The following NFIC variants were observed in gnomAD, a reference collection of about 807,000 sequenced individuals.
NFIC encodes the protein nuclear factor 1 C-type.
NFIC carries 12 observed loss-of-function variants against 54.4 expected under a neutral mutation model. The ratio of observed to expected loss-of-function variants is 0.22; its 90% confidence interval spans 0.14 to 0.36. The LOEUF (loss-of-function observed/expected upper bound fraction) is 0.36, where lower values mean the gene tolerates loss of function less well. Among genes scored for constraint, NFIC ranks in the 10% least tolerant of loss-of-function variants. NFIC has a pLI of 1.00. For missense variants in NFIC, 575 were observed against 718.2 expected, an observed-to-expected ratio of 0.80 and a Z score of 2.28; for synonymous variants, 322 against 319.2, an observed-to-expected ratio of 1.01 and a Z score of -0.09.
chr19:3,419,125 G>A (rs1599653249), intron 2 of NFIC, among the ~76,000 whole-genome samples: 1 of 152,250 alleles, frequency 6.6e-6, no homozygotes, highest in East Asian at 1.9e-4. Flanking sequence ...TTCAGTTTGG[G>A]AAGAGTAGAA....
At chr19:3,435,011 C>G in intron 5 of NFIC, 72 bp from the exon 6 acceptor site, 2 of 1,477,432 alleles carry the variant, frequency 1.4e-6, no homozygotes, top group Non-Finnish European at 1.8e-6. Flanking sequence ...CCGGAAGTAG[C>G]AAAGCCCGCC....
chr19:3,400,292 G>A (rs960751873), intron 2 of NFIC, among the ~76,000 whole-genome samples: 6 of 152,214 alleles, frequency 3.9e-5, no homozygotes, highest in Admixed American at 1.3e-4. Context: ...TGGCTAACAT[G>A]GTGAAACCCC....
chr19:3,396,365 G>A (rs964373875), intron 2 of NFIC, among the ~76,000 whole-genome samples: 8 of 151,954 alleles, frequency 5.3e-5, no homozygotes, highest in African/African-American at 1.5e-4. Flanking sequence ...CCAGCTACTC[G>A]GGAGGCTGAG....
At chr19:3,399,587 A>G (rs571011025) in intron 2 of NFIC, among the ~76,000 whole-genome samples, 1 of 148,782 alleles carries the variant, frequency 6.7e-6, no homozygotes, top group Non-Finnish European at 1.5e-5. Context: ...AAAAATAAAA[A>G]TAGGCCAGGC....
chr19:3,420,879 C>T (rs1014779568), intron 2 of NFIC, among the ~76,000 whole-genome samples: 7 of 152,124 alleles, frequency 4.6e-5, no homozygotes, highest in Non-Finnish European at 7.4e-5. Context: ...CCCACCACCA[C>T]GCCCAGCTAA....
chr19:3,438,332 C>T (rs993417494), intron 6 of NFIC, among the ~76,000 whole-genome samples: 2 of 151,932 alleles, frequency 1.3e-5, no homozygotes, highest in African/African-American at 4.8e-5. Context: ...GATTGGGAAT[C>T]GCAGAGCTAG....
chr19:3,411,452 C>T (rs1465144421), intron 2 of NFIC, among the ~76,000 whole-genome samples: 3 of 151,388 alleles, frequency 2.0e-5, no homozygotes, highest in African/African-American at 4.9e-5. Context: ...CTCAGCCTAC[C>T]GAGTAGCTGG....
rs2082594220 is a variant in NFIC at position 3,458,550 on chromosome 19, C to T, written c.1509+1915C>T. ...AAACTGAGGCAGGCAAGGGTGGCAC[C>T]TTTCTCAGCATCCCTATCTTGACTG... On this transcript the variant is annotated intron_variant, in intron 10 of 10. Coordinates refer to ENST00000443272, the MANE Select transcript of NFIC (RefSeq NM_001245002.2). The surrounding 1 kb of genome is among the most constrained non-coding windows in gnomAD (Gnocchi z 4.1). Among the ~76,000 whole-genome samples, 1 of 152,110 alleles carries T rather than the reference C, an allele frequency of 6.6e-6. No homozygotes were observed. The highest frequency in any genetic ancestry group is 1.5e-5 in the Non-Finnish European group (1 of 68,012).
At chr19:3,380,213 C>T (rs1296885056) in intron 1 of NFIC, among the ~76,000 whole-genome samples, 2 of 148,560 alleles carry the variant, frequency 1.3e-5, no homozygotes, top group South Asian at 2.1e-4. Context: ...ACTGTGTTAG[C>T]CAGGATGGTC....
At chr19:3,462,637 C>A in intron 10 of NFIC, 115 bp from the exon 11 acceptor site, 1 of 1,184,472 alleles carries the variant, frequency 8.4e-7, no homozygotes, top group Non-Finnish European at 1.2e-6. Context: ...CACAGGGTTG[C>A]AGGAGGTGGG....
intron 6 of NFIC, among the ~76,000 whole-genome samples, chr19:3,436,126 CCT>C (rs1354564301): frequency 4.2e-4 from 55 of 130,044 alleles, no homozygotes; most frequent in African/African-American, 1.8e-3. Context: ...CCACGCCCGG[CCT>C]CTGTTTTTGT....
At chr19:3,451,322 AG>A (rs1171298707) in intron 7 of NFIC, among the ~76,000 whole-genome samples, 2 of 152,064 alleles carry the variant, frequency 1.3e-5, no homozygotes, top group African/African-American at 2.4e-5. Context: ...CGGCTGATGG[AG>A]ACGGAATTTC....
chr19:3,395,637 T>G (rs2081450013), intron 2 of NFIC, among the ~76,000 whole-genome samples: 1 of 151,732 alleles, frequency 6.6e-6, no homozygotes, highest in African/African-American at 2.4e-5. Flanking sequence ...GCTGGCAGTA[T>G]AGGCGTGCAC....
At chr19:3,412,455 G>A (rs1213451864) in intron 2 of NFIC, among the ~76,000 whole-genome samples, 2 of 152,126 alleles carry the variant, frequency 1.3e-5, no homozygotes, top group Non-Finnish European at 2.9e-5. Context: ...GTCTCCTTAT[G>A]TTGACCAGGC....
Position 3,369,190 on chromosome 19 carries a change from C to T in NFIC, c.30+2524C>T, listed in dbSNP as rs2080952898. 6.6e-6 allele frequency among the ~76,000 whole-genome samples: 1 copy of T among 151,540 alleles called. No homozygotes were observed. The highest frequency in any genetic ancestry group is 1.5e-5 in the Non-Finnish European group (1 of 67,894). ...CCTTTGCCTTCTTTGTGTGTCTGTC[C>T]GATGTGTCTCTGTCTGTTTCTCTGT... On this transcript the variant is annotated intron_variant, in intron 1 of 10. Transcript: ENST00000443272. The surrounding 1 kb of genome is among the most constrained non-coding windows in gnomAD (Gnocchi z 4.3).
At position 3,424,619 on chromosome 19, in the gene NFIC, G is replaced by A. The variant is rs989231062; in HGVS notation, c.563-487G>A. 7.9e-5 allele frequency among the ~76,000 whole-genome samples: 12 copies of A among 151,902 alleles called. No homozygotes were observed. In the East Asian group the frequency reaches 1.4e-3, roughly 17 times the overall value. ...CTCAAACTCCTGACCCTGACCTCAG[G>A]TGATCTGCCTCCCTTGGCCTCCCAA... On this transcript the variant is annotated intron_variant, in intron 2 of 10. Coordinates refer to ENST00000443272, the MANE Select transcript of NFIC (RefSeq NM_001245002.2).
intron 3 of NFIC, among the ~76,000 whole-genome samples, chr19:3,431,942 T>C (rs913675120): frequency 2.0e-5 from 3 of 152,204 alleles, no homozygotes; most frequent in African/African-American, 7.2e-5. Context: ...TCGTGGACTT[T>C]TGCTGACCTA....
At position 3,458,742 on chromosome 19, in the gene NFIC, G is replaced by C. The variant is rs1427912850; in HGVS notation, c.1509+2107G>C. On this transcript the variant is annotated intron_variant, in intron 10 of 10. Coordinates refer to ENST00000443272, the MANE Select transcript of NFIC (RefSeq NM_001245002.2). The surrounding 1 kb of genome is among the most constrained non-coding windows in gnomAD (Gnocchi z 4.1). ...TGGCAGGGGCCAGACAGATGATGCG[G>C]GCTTTGCTCTGGGGTAGTGGGGAGC... Among the ~76,000 whole-genome samples the C allele has an allele frequency of 6.6e-6, 1 of 152,158 alleles. No individual in the cohort carries two copies. The highest frequency in any genetic ancestry group is 2.4e-5 in the African/African-American group (1 of 41,428).
At chr19:3,394,304 C>A (rs1355839282) in intron 2 of NFIC, among the ~76,000 whole-genome samples, 2 of 151,702 alleles carry the variant, frequency 1.3e-5, no homozygotes, top group African/African-American at 4.8e-5. Context: ...CATACTAAGA[C>A]CTTGTCTCTA....
Sources: allele counts gnomAD v4.1 joint callset (sites outside exome capture counted in the v4.1 genomes callset), GRCh38; gene constraint gnomAD v4.1.1; non-coding constraint Gnocchi (gnomAD v3.1); transcripts MANE v1.5; gene names NCBI Gene and HGNC (gene_info 2026-07-23, HGNC 2026-07-21).